The following ARFGEF2 variants were observed in gnomAD, a reference collection of about 807,000 sequenced individuals.
ARFGEF2 encodes ARF guanine nucleotide exchange factor 2, also known as brefeldin A-inhibited guanine nucleotide-exchange protein 2.
A neutral mutation model predicts 219.9 loss-of-function variants in ARFGEF2; 74 were observed. That is an observed-to-expected ratio of 0.34 (90% CI 0.28 to 0.41). ARFGEF2 has a LOEUF of 0.41. ARFGEF2 is among the 10% of genes least tolerant of loss of function. The pLI, the probability that ARFGEF2 is intolerant of heterozygous loss-of-function variation, is 1.00. For synonymous variants in ARFGEF2, 733 were observed against 799.2 expected (o/e 0.92, Z 1.40); for missense variants, 1,743 against 2,218.3 (o/e 0.79, Z 4.30).
chr20:48,924,129 TTAGAG>T (rs1409552136), intron 1 of ARFGEF2, among the ~76,000 whole-genome samples: 1 of 152,216 alleles, frequency 6.6e-6, no homozygotes, highest in African/African-American at 2.4e-5. Flanking sequence ...CTGCTTTTAC[TTAGAG>T]TAGAACACAT....
intron 34 of ARFGEF2, 104 bp from the exon 35 acceptor site, chr20:49,022,947 T>C (rs1415073384): frequency 1.3e-6 from 2 of 1,490,746 alleles, no homozygotes; most frequent in Non-Finnish European, 1.9e-6. Flanking sequence ...AGACCCCATC[T>C]CTTAAAAAAA....
chr20:48,969,343 C>T, intron 9 of ARFGEF2, 66 bp downstream of exon 9: 20 of 1,612,600 alleles, frequency 1.2e-5, no homozygotes, highest in Non-Finnish European at 1.6e-5. Flanking sequence ...TACTGTGTTT[C>T]ACACTTCCCT....
chr20:49,017,772 G>A (rs959363163), intron 33 of ARFGEF2, among the ~76,000 whole-genome samples: 20 of 152,108 alleles, frequency 1.3e-4, no homozygotes, highest in Non-Finnish European at 2.1e-4. Flanking sequence ...TCTAGCTGCC[G>A]CTTTGTGTGA....
At chr20:49,024,351 G>A (rs573796802) in intron 35 of ARFGEF2, among the ~76,000 whole-genome samples, 2 of 152,284 alleles carry the variant, frequency 1.3e-5, no homozygotes, top group Admixed American at 6.5e-5. Flanking sequence ...GGTTACAAAT[G>A]TCAGTGCTTC....
intron 1 of ARFGEF2, among the ~76,000 whole-genome samples, chr20:48,935,141 G>C (rs1028340389): frequency 2.6e-5 from 4 of 151,104 alleles, no homozygotes; most frequent in African/African-American, 7.3e-5. Context: ...TTTCTCGCAG[G>C]GGGGGATTTG....
In ARFGEF2 at chr20:48,948,034, A is replaced by C. The variant is rs528299665; in HGVS notation, c.277-3289A>C. The stretch of plus-strand genomic sequence containing the variant: ...GTTTATACCATAAACATTATCTTTT[A>C]GCTCTTATTTCCAGAAAACTTTTGA... On this transcript the variant is annotated intron_variant, in intron 3 of 38. Coordinates refer to ENST00000371917, the MANE Select transcript of ARFGEF2 (RefSeq NM_006420.3). Among the ~76,000 whole-genome samples the C allele has an allele frequency of 2.6e-5, 4 of 152,318 alleles. No homozygotes were observed. The East Asian group carries it at 5.8e-4, about 22-fold the overall frequency.
At chr20:49,001,490 C>T (rs1174881010) in intron 25 of ARFGEF2, among the ~76,000 whole-genome samples, 3 of 152,134 alleles carry the variant, frequency 2.0e-5, no homozygotes, top group African/African-American at 4.8e-5. Context: ...CAGAGTTGTT[C>T]GCACAGTCAC....
At position 48,926,667 on chromosome 20, in the gene ARFGEF2, GCTGGAGTTAAT is replaced by G. The variant is rs567948095; in HGVS notation, c.121+4659_121+4669del. On this transcript the variant is annotated intron_variant, in intron 1 of 38. Transcript: ENST00000371917. ...GAGACGGGGTTTTTCTGTTGTCTGG[GCTGGAGTTAAT>G]CAGTTTTTCTAATTGATGATATCTC... 4.4e-4 allele frequency among the ~76,000 whole-genome samples: 67 copies of G among 152,144 alleles called. No individual in the cohort carries two copies. The South Asian group carries it at 0.014, about 31-fold the overall frequency.
At chr20:48,976,343 A>G (rs1167438731) in intron 14 of ARFGEF2, 144 bp downstream of exon 14, 13 of 983,772 alleles carry the variant, frequency 1.3e-5, no homozygotes, top group Admixed American at 8.0e-5. Flanking sequence ...GAGCCAGGCA[A>G]TCAGTAAATG....
chr20:49,007,255 T>C lies in ARFGEF2; in HGVS notation c.3584+2034T>C, dbSNP rs373269646. Among the ~76,000 whole-genome samples, 16 of 152,062 alleles carry C rather than the reference T, an allele frequency of 1.1e-4. 1 individual carries two copies. The highest frequency in any genetic ancestry group is 8.3e-4 in the South Asian group (4 of 4,814). ...TGGACCTAATTCCTCTTGTCTGCTATTCCCCTAAAAAGTGTACTTCAGATC... is the reference window on the plus strand; with the variant it reads ...TGGACCTAATTCCTCTTGTCTGCTACTCCCCTAAAAAGTGTACTTCAGATC... On this transcript the variant is annotated intron_variant, in intron 26 of 38. Transcript: ENST00000371917.
chr20:48,931,479 TATATA>T (rs1356747779), intron 1 of ARFGEF2, among the ~76,000 whole-genome samples: 19 of 152,126 alleles, frequency 1.2e-4, no homozygotes, highest in Non-Finnish European at 2.5e-4. Flanking sequence ...AATGAACTGA[TATATA>T]ATATGTCAAG....
chr20:48,962,562 T>G (rs1208328169), intron 6 of ARFGEF2, among the ~76,000 whole-genome samples: 7 of 152,226 alleles, frequency 4.6e-5, no homozygotes. Context: ...GACTAAAGTT[T>G]GAGTAACAGT....
At chr20:48,999,233 G>C in intron 25 of ARFGEF2, 1 of 451,752 alleles carries the variant, frequency 2.2e-6, no homozygotes, top group African/African-American at 2.0e-5. Flanking sequence ...GCAAGACTTC[G>C]TCTCAGAAAA....
chr20:48,984,736 A>G lies in ARFGEF2; in HGVS notation c.1966A>G (p.Lys656Glu). 1 of 1,614,088 alleles carries G rather than the reference A, an allele frequency of 6.2e-7. No individual in the cohort carries two copies. Among genetic ancestry groups the G allele is most frequent in the Non-Finnish European group, 8.5e-7 (1 of 1,180,036 alleles). The change falls in exon 15 of 39, where the codon AAG becomes GAG. Residue 656 changes from lysine (K) to glutamate (E), a missense_variant. By Grantham distance (56) the Lys-to-Glu change is moderately conservative. Around this residue, in one of 5 missense-constraint regions of ARFGEF2, gnomAD observed 666 missense variants for 955.4 expected, o/e 0.70. Coordinates refer to ENST00000371917, the MANE Select transcript of ARFGEF2 (RefSeq NM_006420.3). The part of the protein sequence containing the change: ...IIEHGIELFN[K>E]KPKRGIQFLQ... ...CATCTCTGCTTGAAACAGGTTCAAC[A>G]AGAAACCCAAGAGGGGGATCCAGTT...
chr20:49,022,903 C>G, intron 34 of ARFGEF2, 148 bp from the exon 35 acceptor site: 1 of 1,055,152 alleles, frequency 9.5e-7, no homozygotes, highest in South Asian at 1.3e-5. Flanking sequence ...TCACTTGAAA[C>G]CAGGAGTTCA....
At chr20:48,994,048 A>G (rs1433878832) in intron 21 of ARFGEF2, among the ~76,000 whole-genome samples, 5 of 152,240 alleles carry the variant, frequency 3.3e-5, no homozygotes, top group Non-Finnish European at 7.3e-5. Flanking sequence ...TGAGAGGGAC[A>G]CACATGTCTG....
At chr20:48,997,263 T>C (rs1568728658) in intron 23 of ARFGEF2, among the ~76,000 whole-genome samples, 1 of 131,450 alleles carries the variant, frequency 7.6e-6, no homozygotes, top group Non-Finnish European at 1.5e-5. Context: ...CTATATCTTA[T>C]GTATTGATTG....
intron 3 of ARFGEF2, among the ~76,000 whole-genome samples, chr20:48,947,884 A>G (rs978886956): frequency 1.1e-4 from 17 of 152,314 alleles, no homozygotes; most frequent in Admixed American, 1.1e-3. Flanking sequence ...AATAAATTAC[A>G]TATATTGTAA....
chr20:48,954,339 G>T (rs556132915), intron 6 of ARFGEF2, among the ~76,000 whole-genome samples: 3 of 152,292 alleles, frequency 2.0e-5, no homozygotes, highest in African/African-American at 7.2e-5. Flanking sequence ...ACCCACACCT[G>T]ATTATATTCT....
Sources: allele counts gnomAD v4.1 joint callset (sites outside exome capture counted in the v4.1 genomes callset), GRCh38; gene constraint gnomAD v4.1.1; regional missense constraint gnomAD v4.1.1; transcripts MANE v1.5; gene names NCBI Gene and HGNC (gene_info 2026-07-23, HGNC 2026-07-21).